TNRC6B: variants seen among roughly 807,000 people sequenced by gnomAD.
TNRC6B encodes the protein trinucleotide repeat-containing gene 6B protein.
Under a neutral mutation model 203.6 loss-of-function variants are expected in TNRC6B, and 52 were observed. That is an observed-to-expected ratio of 0.26 (90% CI 0.20 to 0.32). The LOEUF is 0.32. TNRC6B is among the 10% of genes least tolerant of loss of function. The probability of loss-of-function intolerance (pLI) is 1.00; values close to 1 mark genes in which losing one functional copy is unlikely to be tolerated. For missense variants in TNRC6B, 1,923 were observed against 2,286.2 expected, an observed-to-expected ratio of 0.84 and a Z score of 3.24; for synonymous variants, 838 against 845.7, an observed-to-expected ratio of 0.99 and a Z score of 0.16.
chr22:40,152,483 C>A (rs112555009), intron 3 of TNRC6B, among the ~76,000 whole-genome samples: 1 of 152,144 alleles, frequency 6.6e-6, no homozygotes, highest in East Asian at 1.9e-4. Context: ...CCCACCACCA[C>A]GCCCGGCTAA....
chr22:40,254,493 C>T lies in TNRC6B; in HGVS notation c.115+3293C>T, dbSNP rs866808887. Among the ~76,000 whole-genome samples, 13 of 152,102 alleles carry T rather than the reference C, an allele frequency of 8.5e-5. 1 individual carries two copies. The Middle Eastern group carries it at 0.017, about 200-fold the overall frequency. The stretch of plus-strand genomic sequence containing the variant: ...CATAATTATGCCACTGTACTCCAGC[C>T]TGGGCAATGGAGCAAGACCTTGTCT... On this transcript the variant is annotated intron_variant, in intron 3 of 22. Coordinates refer to ENST00000454349, the MANE Select transcript of TNRC6B (RefSeq NM_001162501.2).
chr22:40,272,189 G>A (rs2070574129), intron 6 of TNRC6B, among the ~76,000 whole-genome samples: 1 of 152,140 alleles, frequency 6.6e-6, no homozygotes. Flanking sequence ...GTTATCAGCA[G>A]CACTTCCAGC....
chr22:40,326,855 G>A lies in TNRC6B; in HGVS notation c.*3614G>A, dbSNP rs1455719900. The A allele has an allele frequency of 6.6e-6, 1 of 152,602 alleles. No homozygotes were observed. The highest frequency in any genetic ancestry group is 2.4e-5 in the African/African-American group (1 of 41,430). 9.5% of individuals were successfully genotyped at this position (152,602 alleles called of 1,614,324 possible). On this transcript the variant is annotated 3_prime_UTR_variant, in exon 23 of 23. Coordinates refer to ENST00000454349, the MANE Select transcript of TNRC6B (RefSeq NM_001162501.2). ...TCTGTCTTACCTCCGTTTGTTTTGG[G>A]AGGAGGAGAAAATATAGAAGAATCT...
intron 1 of TNRC6B, among the ~76,000 whole-genome samples, chr22:40,208,156 T>A (rs1345958593): frequency 6.7e-6 from 1 of 149,022 alleles, no homozygotes; most frequent in Admixed American, 6.7e-5. Context: ...AAAAAACAAG[T>A]TTTGGTGTGG....
At chr22:40,252,938 C>T (rs1017361029) in intron 3 of TNRC6B, among the ~76,000 whole-genome samples, 1 of 152,094 alleles carries the variant, frequency 6.6e-6, no homozygotes, top group African/African-American at 2.4e-5. Flanking sequence ...ATAGTCTAGA[C>T]TCTGGTTGCT....
intron 1 of TNRC6B, among the ~76,000 whole-genome samples, chr22:40,072,248 A>G (rs1038079369): frequency 1.3e-5 from 2 of 152,212 alleles, no homozygotes; most frequent in Admixed American, 1.3e-4. Context: ...AATTTTTAGG[A>G]GTCAAAAACA....
At chr22:40,182,265 G>GA (rs971478076) in intron 1 of TNRC6B, among the ~76,000 whole-genome samples, 5 of 151,520 alleles carry the variant, frequency 3.3e-5, no homozygotes, top group African/African-American at 7.3e-5. Context: ...GAAAAGAAAA[G>GA]AAAAAAAAGC....
At chr22:40,273,355 CA>C (rs1221571253) in intron 6 of TNRC6B, 69 bp from the exon 7 acceptor site, 11 of 1,379,246 alleles carry the variant, frequency 8.0e-6, no homozygotes, top group Non-Finnish European at 9.7e-6. Context: ...GCTGCATCTG[CA>C]AGGAATTATT....
intron 3 of TNRC6B, among the ~76,000 whole-genome samples, chr22:40,135,672 C>T (rs2068593700): frequency 6.6e-6 from 1 of 151,918 alleles, no homozygotes; most frequent in Non-Finnish European, 1.5e-5. Flanking sequence ...GCTAGTTTTT[C>T]TTACTTTTTC....
intron 13 of TNRC6B, 29 bp downstream of exon 13, chr22:40,300,615 A>G (rs1226368454): frequency 2.5e-6 from 4 of 1,583,314 alleles, no homozygotes; most frequent in South Asian, 1.2e-5. Flanking sequence ...TCCTGTGGCT[A>G]AAAAGGTCAT....
chr22:40,156,177 C>G, exon 4 of TNRC6B: 2 of 1,571,784 alleles, frequency 1.3e-6, no homozygotes, highest in Admixed American at 1.9e-5. Context: ...GTGAAGAAAG[C>G]AAACAGTGAG....
chr22:40,306,273 C>T (rs1303093092), intron 15 of TNRC6B, among the ~76,000 whole-genome samples: 1 of 152,046 alleles, frequency 6.6e-6, no homozygotes, highest in East Asian at 1.9e-4. Context: ...GCCTGGGCGA[C>T]AGAGCGAGAC....
At chr22:40,185,352 C>T (rs1375641892) in intron 1 of TNRC6B, among the ~76,000 whole-genome samples, 1 of 152,118 alleles carries the variant, frequency 6.6e-6, no homozygotes, top group African/African-American at 2.4e-5. Flanking sequence ...CTGTACTATG[C>T]AGTGCAAGGT....
chr22:40,171,441 G>C, intron 4 of TNRC6B, among the ~76,000 whole-genome samples: 1 of 151,926 alleles, frequency 6.6e-6, no homozygotes, highest in Non-Finnish European at 1.5e-5. Flanking sequence ...GATTACAGGC[G>C]TGAGCCACCG....
chr22:40,262,128 C>G lies in TNRC6B; in HGVS notation c.412C>G (p.Gln138Glu). Residue 138 changes from glutamine to glutamate, a missense_variant, in exon 4 of 23, where the codon CAA becomes GAA. Gln to Glu is a conservative substitution (Grantham distance 29, BLOSUM62 2). Transcript: ENST00000454349. ...ACCTGGAGCAAACCCAAACAACGCA[C>G]AAGTGACAGGAGCGCTGCTGCAGAG... ...TAPGANPNNAQVTGALLQSES... is the reference protein window; with the variant it reads ...TAPGANPNNAEVTGALLQSES... The G allele has an allele frequency of 6.7e-7, 1 of 1,497,972 alleles. No individual in the cohort carries two copies. The highest frequency in any genetic ancestry group is 2.3e-5 in the East Asian group (1 of 42,920). The allele number at this position is 1,497,972 out of a possible 1,614,324, so 92.8% of individuals were successfully genotyped here. A position where few individuals can be genotyped will look rare whatever the true frequency, so the allele number is the denominator to read the frequency against.
At chr22:40,277,211 C>G (rs2070656429) in intron 8 of TNRC6B, 60 bp downstream of exon 8, 5 of 1,299,200 alleles carry the variant, frequency 3.8e-6, no homozygotes, top group Middle Eastern at 2.5e-4. Flanking sequence ...AATATTAATA[C>G]CAATTTTAAG....
chr22:40,279,730 TC>T (rs1444189915), intron 9 of TNRC6B, among the ~76,000 whole-genome samples: 1 of 152,222 alleles, frequency 6.6e-6, no homozygotes, highest in Non-Finnish European at 1.5e-5. Context: ...GCTCTTTCAG[TC>T]TTCCATGGAA....
chr22:40,316,627 C>CA, intron 21 of TNRC6B, among the ~76,000 whole-genome samples: 1 of 152,156 alleles, frequency 6.6e-6, no homozygotes, highest in Admixed American at 6.5e-5. Flanking sequence ...GACCCTTTCT[C>CA]AAAAAGGAGA....
chr22:40,182,039 T>A (rs1465290817), intron 1 of TNRC6B, among the ~76,000 whole-genome samples: 1 of 151,682 alleles, frequency 6.6e-6, no homozygotes, highest in East Asian at 1.9e-4. Context: ...GGTCAGGAGT[T>A]CGAGACCAGC....
Sources: gnomAD v4.1 joint callset for allele counts (sites outside exome capture counted in the v4.1 genomes callset) on GRCh38, gnomAD v4.1.1 for gene constraint, MANE v1.5 for transcripts, NCBI Gene and HGNC (gene_info 2026-07-23, HGNC 2026-07-21) for gene names.